The following TOP2B variants were observed in gnomAD, a reference collection of about 807,000 sequenced individuals.
TOP2B encodes the protein DNA topoisomerase II beta, also known as DNA topoisomerase 2-beta.
TOP2B carries 51 observed loss-of-function variants against 193.5 expected under a neutral mutation model. The ratio of observed to expected loss-of-function variants is 0.26; its 90% CI spans 0.21 to 0.33. TOP2B has a LOEUF of 0.33. TOP2B is among the 10% of genes least tolerant of loss of function. TOP2B has a pLI of 1.00. For synonymous variants in TOP2B, 634 were observed against 635.7 expected, an observed-to-expected ratio of 1.00 and a Z score of 0.04; for missense variants, 1,378 against 1,909.3, an observed-to-expected ratio of 0.72 and a Z score of 5.19.
chr3:25,656,614 T>C (rs1200096647), intron 1 of TOP2B, among the ~76,000 whole-genome samples: 1 of 152,188 alleles, frequency 6.6e-6, no homozygotes, highest in Non-Finnish European at 1.5e-5. Flanking sequence ...TAATCAAGTA[T>C]GTTTAAATTA....
intron 27 of TOP2B, among the ~76,000 whole-genome samples, chr3:25,614,433 A>T (rs1702455174): frequency 6.6e-6 from 1 of 152,156 alleles, no homozygotes; most frequent in African/African-American, 2.4e-5. Context: ...TACGGAAAGC[A>T]CAAAAAAAGG....
intron 1 of TOP2B, among the ~76,000 whole-genome samples, chr3:25,661,272 T>C (rs2125413427): frequency 6.6e-6 from 1 of 152,346 alleles, no homozygotes; most frequent in African/African-American, 2.4e-5. Flanking sequence ...GTTCTGGGAT[T>C]ACAGGCGTGA....
chr3:25,606,708 G>C (rs767330287), intron 31 of TOP2B, among the ~76,000 whole-genome samples: 1 of 152,106 alleles, frequency 6.6e-6, no homozygotes, highest in Non-Finnish European at 1.5e-5. Context: ...CCAAAAGCAA[G>C]AAAAATCTAT....
intron 32 of TOP2B, among the ~76,000 whole-genome samples, 187 bp downstream of exon 32, chr3:25,605,856 C>T (rs1454483310): frequency 1.3e-5 from 2 of 152,022 alleles, no homozygotes; most frequent in South Asian, 4.1e-4. Flanking sequence ...CTATTTTGAC[C>T]AATTAGTTAG....
intron 34 of TOP2B, among the ~76,000 whole-genome samples, chr3:25,600,796 C>G (rs1456284749): frequency 1.3e-5 from 2 of 152,172 alleles, no homozygotes; most frequent in East Asian, 3.9e-4. Context: ...GAGTACTGAT[C>G]TGACTTTTTA....
Position 25,664,900 on chromosome 3 carries a change from G to A in TOP2B, c.-603C>T. The A allele has an allele frequency of 9.1e-6, 9 of 988,708 alleles. No homozygotes were observed. Among genetic ancestry groups the A allele is most frequent in the Non-Finnish European group, 1.1e-5 (9 of 831,036 alleles). 61.2% of individuals were successfully genotyped at this position (988,708 alleles called of 1,614,324 possible). A position where few individuals can be genotyped will look rare whatever the true frequency, so the allele number is the denominator to read the frequency against. On this transcript the variant is annotated 5_prime_UTR_variant, in exon 1 of 36. Coordinates refer to ENST00000264331, the MANE Select transcript of TOP2B (RefSeq NM_001330700.2). Reference sequence around the variant, plus strand: ...CCTCCCTCTTGTCCGGCATAACACCGCACACACACATTTGCACACCGGGGA... The same window carrying A: ...CCTCCCTCTTGTCCGGCATAACACCACACACACACATTTGCACACCGGGGA...
chr3:25,654,583 T>C (rs1703691800), intron 1 of TOP2B, among the ~76,000 whole-genome samples: 1 of 151,942 alleles, frequency 6.6e-6, no homozygotes, highest in South Asian at 2.1e-4. Context: ...CAAAAAAAAA[T>C]CTAAAATTCA....
chr3:25,600,006 G>C (rs529132325), intron 34 of TOP2B, among the ~76,000 whole-genome samples: 1 of 152,220 alleles, frequency 6.6e-6, no homozygotes, highest in Non-Finnish European at 1.5e-5. Flanking sequence ...TGTTTACTCC[G>C]TTTTACTTAT....
intron 10 of TOP2B, among the ~76,000 whole-genome samples, chr3:25,632,092 A>C (rs1311146229): frequency 6.6e-6 from 1 of 152,110 alleles, no homozygotes; most frequent in Non-Finnish European, 1.5e-5. Flanking sequence ...TTAAACATGT[A>C]TAAAGATAAG....
chr3:25,618,437 C>G lies in TOP2B; in HGVS notation c.3332G>C (p.Trp1111Ser), dbSNP rs1702570301. The change falls in exon 25 of 36, where the codon TGG becomes TCG. Residue 1111 changes from tryptophan to serine, a missense_variant. Transcript: ENST00000264331. ...GATTACCTTTTCTTGTGCTTCTTTCCAGGCTTTCACTGGGTCAGATTCATA... is the reference window on the plus strand; with the variant it reads ...GATTACCTTTTCTTGTGCTTCTTTCGAGGCTTTCACTGGGTCAGATTCATA... ...RGYESDPVKA[W>S]KEAQEKAAEE... is the part of the protein sequence containing the mutation. 6.2e-7 allele frequency: 1 copy of G among 1,612,118 alleles called. No homozygotes were observed.
At chr3:25,630,274 A>C (rs1702919418) in intron 12 of TOP2B, 38 bp downstream of exon 12, 2 of 1,538,216 alleles carry the variant, frequency 1.3e-6, no homozygotes, top group Non-Finnish European at 1.8e-6. Flanking sequence ...GTATGTGTGC[A>C]TGTGTGTATA....
At chr3:25,624,875 A>C in intron 18 of TOP2B, 72 bp from the exon 19 acceptor site, 2 of 1,477,372 alleles carry the variant, frequency 1.4e-6, no homozygotes, top group Non-Finnish European at 1.8e-6. Flanking sequence ...AATAAAGCAA[A>C]GATACAATTT....
At chr3:25,648,720 G>A (rs892159483) in intron 1 of TOP2B, among the ~76,000 whole-genome samples, 1 of 152,098 alleles carries the variant, frequency 6.6e-6, no homozygotes, top group Admixed American at 6.6e-5. Context: ...AAATTAGCCA[G>A]GTGTGGTAGT....
At chr3:25,635,480 A>G in intron 7 of TOP2B, among the ~76,000 whole-genome samples, 1 of 152,200 alleles carries the variant, frequency 6.6e-6, no homozygotes, top group Non-Finnish European at 1.5e-5. Flanking sequence ...TGGAAAATGT[A>G]GACAATATGC....
chr3:25,600,967 A>T (rs1055856488), intron 34 of TOP2B, 133 bp downstream of exon 34: 6 of 854,046 alleles, frequency 7.0e-6, no homozygotes, highest in Non-Finnish European at 8.9e-6. Flanking sequence ...ATTCCTAGAC[A>T]CACTGCTTAC....
intron 7 of TOP2B, among the ~76,000 whole-genome samples, chr3:25,634,625 T>C (rs1234506879): frequency 6.6e-6 from 1 of 151,992 alleles, no homozygotes; most frequent in Non-Finnish European, 1.5e-5. Context: ...CATTCATTCA[T>C]ACTCTTGCAG....
intron 1 of TOP2B, among the ~76,000 whole-genome samples, chr3:25,658,663 A>T (rs934159493): frequency 1.3e-5 from 2 of 152,194 alleles, no homozygotes; most frequent in African/African-American, 4.8e-5. Flanking sequence ...TATATATTTT[A>T]AATATTAACC....
intron 31 of TOP2B, 82 bp from the exon 32 acceptor site, chr3:25,606,204 C>T: frequency 1.5e-6 from 1 of 645,584 alleles, no homozygotes; most frequent in Admixed American, 3.5e-5. Flanking sequence ...ATAATATTTA[C>T]TGCAGGATTA....
rs562864207 is a variant in TOP2B at position 25,630,712 on chromosome 3, G to A, written c.1405+89C>T. 2.8e-4 allele frequency: 337 copies of A among 1,213,388 alleles called. 2 individuals are homozygous for A. The East Asian group carries it at 9.2e-3, about 33-fold the overall frequency. The allele number at this position is 1,213,388 out of a possible 1,614,324, so 75.2% of individuals were successfully genotyped here. ...ATCATACTCTGAATGGAAAATCATA[G>A]TCTAACTATATGTAGAAAATAAAAA... On this transcript the variant is annotated intron_variant, in intron 11 of 35. Transcript: ENST00000264331.
Sources: gnomAD v4.1 joint callset for allele counts (sites outside exome capture counted in the v4.1 genomes callset) on GRCh38, gnomAD v4.1.1 for gene constraint, MANE v1.5 for transcripts, NCBI Gene and HGNC (gene_info 2026-07-23, HGNC 2026-07-21) for gene names.